Variants in SPAG16 observed in about 807,000 individuals in gnomAD.
The protein encoded by SPAG16 is sperm-associated antigen 16 protein.
SPAG16 carries 86 observed loss-of-function variants against 80.4 expected under a neutral mutation model. The observed-to-expected ratio is 1.07, with a 90% CI of 0.90 to 1.28. SPAG16 has a LOEUF of 1.28. Ranked by LOEUF, SPAG16 falls within the 50% of genes most tolerant of loss-of-function variation. The pLI, the probability that SPAG16 is intolerant of heterozygous loss-of-function variation, is 0.00. For missense variants in SPAG16, 870 were observed against 765.3 expected (o/e 1.14, Z -1.61); for synonymous variants, 294 against 265.9 (o/e 1.11, Z -1.03).
intron 1 of SPAG16, among the ~76,000 whole-genome samples, chr2:213,293,244 C>T (rs948459556): frequency 1.3e-5 from 2 of 152,174 alleles, no homozygotes; most frequent in Admixed American, 1.3e-4. Flanking sequence ...CTCAGCCATG[C>T]AGAACTATGA....
chr2:213,951,115 C>T (rs936732706), intron 12 of SPAG16, among the ~76,000 whole-genome samples: 2 of 151,776 alleles, frequency 1.3e-5, no homozygotes, highest in Admixed American at 6.6e-5. Context: ...AAAATACCAC[C>T]CCAATATACA....
intron 10 of SPAG16, among the ~76,000 whole-genome samples, chr2:213,787,468 A>C (rs1291708927): frequency 1.3e-5 from 2 of 152,116 alleles, no homozygotes; most frequent in Admixed American, 6.6e-5. Context: ...TGAATGAAAT[A>C]TAATATAGCT....
intron 15 of SPAG16, among the ~76,000 whole-genome samples, chr2:214,182,989 T>A (rs572549016): frequency 1.7e-4 from 26 of 152,156 alleles, no homozygotes; most frequent in African/African-American, 5.8e-4. Context: ...TGGCATATAG[T>A]AAATACACAA....
intron 15 of SPAG16, among the ~76,000 whole-genome samples, chr2:214,288,985 G>C (rs559161977): frequency 2.6e-5 from 4 of 152,080 alleles, no homozygotes; most frequent in Non-Finnish European, 5.9e-5. Context: ...AGCCAGGATG[G>C]TCTCGATCTC....
At chr2:213,828,705 G>A (rs1441803110) in intron 10 of SPAG16, among the ~76,000 whole-genome samples, 1 of 152,150 alleles carries the variant, frequency 6.6e-6, no homozygotes, top group East Asian at 1.9e-4. Context: ...TTGGTGTTTT[G>A]GTCCAAGTTT....
rs776037235 is a variant in SPAG16 at position 213,466,001 on chromosome 2, T to C, written c.943-23962T>C. ...TCTGGGTGGGCACAATCTAATAAGC[T>C]GCCAGCATGGCTAGAATAAAAGCAG... is the stretch of plus-strand genomic sequence containing the variant. On this transcript the variant is annotated intron_variant, in intron 9 of 15. Coordinates refer to ENST00000331683, the MANE Select transcript of SPAG16 (RefSeq NM_024532.5). 3.9e-5 allele frequency among the ~76,000 whole-genome samples: 6 copies of C among 152,314 alleles called. No individual in the cohort carries two copies. In the South Asian group the frequency reaches 8.3e-4, roughly 21 times the overall value.
intron 12 of SPAG16, among the ~76,000 whole-genome samples, chr2:214,009,885 G>A: frequency 6.6e-6 from 1 of 150,990 alleles, no homozygotes; most frequent in East Asian, 1.9e-4. Flanking sequence ...GTCCTCGTAA[G>A]TCATAATAAA....
intron 14 of SPAG16, among the ~76,000 whole-genome samples, chr2:214,131,504 C>A (rs1042330721): frequency 1.3e-5 from 2 of 151,958 alleles, no homozygotes; most frequent in African/African-American, 4.8e-5. Context: ...TACACAAAAA[C>A]CTCCACATAG....
At chr2:213,739,217 A>G (rs1471788356) in intron 10 of SPAG16, among the ~76,000 whole-genome samples, 1 of 152,194 alleles carries the variant, frequency 6.6e-6, no homozygotes, top group Non-Finnish European at 1.5e-5. Context: ...TCAGTAGGAT[A>G]ATGTGGTTTG....
intron 12 of SPAG16, among the ~76,000 whole-genome samples, chr2:214,000,669 A>G (rs1024646285): frequency 1.5e-4 from 23 of 152,202 alleles, no homozygotes; most frequent in Non-Finnish European, 7.3e-5. Context: ...ACATAAATAA[A>G]TAAGCTAAAT....
chr2:214,111,733 T>G (rs1027632248), intron 14 of SPAG16, among the ~76,000 whole-genome samples: 10 of 12,684 alleles, frequency 7.9e-4, no homozygotes, highest in African/African-American at 1.2e-3. Flanking sequence ...ATGGTCATTT[T>G]CACAATATTC....
At chr2:213,532,633 T>C (rs1314567044) in intron 10 of SPAG16, among the ~76,000 whole-genome samples, 2 of 151,942 alleles carry the variant, frequency 1.3e-5, no homozygotes, top group Non-Finnish European at 2.9e-5. Context: ...AGCTAATTTT[T>C]TTTATTTTTA....
intron 10 of SPAG16, among the ~76,000 whole-genome samples, chr2:213,825,448 T>C (rs997136865): frequency 2.0e-5 from 3 of 152,132 alleles, no homozygotes; most frequent in Non-Finnish European, 4.4e-5. Context: ...TGTTGAATTT[T>C]ATCAAATACT....
At chr2:213,994,587 T>C (rs951193381) in intron 12 of SPAG16, among the ~76,000 whole-genome samples, 4 of 152,014 alleles carry the variant, frequency 2.6e-5, no homozygotes, top group African/African-American at 9.7e-5. Flanking sequence ...CTTTTTTTTT[T>C]TTTTTTTACA....
At chr2:214,135,715 G>C (rs374984775) in intron 14 of SPAG16, among the ~76,000 whole-genome samples, 10 of 139,216 alleles carry the variant, frequency 7.2e-5, no homozygotes, top group African/African-American at 2.5e-4. Flanking sequence ...CTCTCTCTCT[G>C]TCTCTCTGTC....
intron 9 of SPAG16, among the ~76,000 whole-genome samples, chr2:213,426,211 A>C (rs1372649778): frequency 6.6e-6 from 1 of 152,104 alleles, no homozygotes; most frequent in Non-Finnish European, 1.5e-5. Flanking sequence ...TGTACATTGC[A>C]AATATTTTTG....
At chr2:214,306,438 A>G (rs1694919880) in intron 15 of SPAG16, among the ~76,000 whole-genome samples, 1 of 152,214 alleles carries the variant, frequency 6.6e-6, no homozygotes, top group Non-Finnish European at 1.5e-5. Context: ...GAGAGAGGGC[A>G]TCCTTATATT....
At chr2:213,314,601 G>A (rs549597615) in intron 4 of SPAG16, among the ~76,000 whole-genome samples, 4 of 151,896 alleles carry the variant, frequency 2.6e-5, no homozygotes, top group African/African-American at 9.6e-5. Flanking sequence ...AATAATTTTT[G>A]AATGTCCTGA....
rs532134522 is a variant in SPAG16, at chr2:214,402,038, T to C, written c.1721-8102T>C. 2.8e-4 allele frequency among the ~76,000 whole-genome samples: 42 copies of C among 152,096 alleles called. 1 individual carries two copies. Among genetic ancestry groups the C allele is most frequent in the African/African-American group, 1.0e-3 (42 of 41,550 alleles). The stretch of plus-strand genomic sequence containing the variant: ...ACCTTAACTAACAGTACCTGATAAC[T>C]GGTGGCTCACTGGGGAAACTGTATT... On this transcript the variant is annotated intron_variant, in intron 15 of 15. Coordinates refer to ENST00000331683, the MANE Select transcript of SPAG16 (RefSeq NM_024532.5).
Sources: gnomAD v4.1 joint callset for allele counts (sites outside exome capture counted in the v4.1 genomes callset) on GRCh38, gnomAD v4.1.1 for gene constraint, MANE v1.5 for transcripts, NCBI Gene and HGNC (gene_info 2026-07-23, HGNC 2026-07-21) for gene names.